Variants in AFF2 observed in about 807,000 individuals in gnomAD.
AFF2 encodes the protein ALF transcription elongation factor 2.
A neutral mutation model predicts 76.9 loss-of-function variants in AFF2; 14 were observed. The ratio of observed to expected loss-of-function variants is 0.18; its 90% confidence interval spans 0.12 to 0.28. The LOEUF is 0.28. Ranked by LOEUF, AFF2 falls within the 10% of genes least tolerant of loss-of-function variation. The pLI is 1.00. For missense variants in AFF2, 868 were observed against 1,001.1 expected (o/e 0.87, Z 1.79); for synonymous variants, 398 against 366.7 (o/e 1.09, Z -0.98).
intron 3 of AFF2, among the ~76,000 whole-genome samples, chrX:148,701,011 AATGTGTGTGTGTGTGTGTGTGTGT>A (rs2054787434): frequency 1.6e-5 from 1 of 61,160 alleles, no homozygotes; most frequent in Non-Finnish European, 3.2e-5. Context: ...AGAGAGAGAG[AATGTGTGTGTGTGTGTGTGTGTGT>A]GTGTGTGTGT....
chrX:148,870,915 C>T (rs1877738817), intron 7 of AFF2, among the ~76,000 whole-genome samples: 1 of 111,467 alleles, frequency 9.0e-6, no homozygotes, highest in South Asian at 3.8e-4. Flanking sequence ...TGGGTGTTTT[C>T]CTTTAGCCAG....
At chrX:148,508,685 A>G (rs1470974102) in intron 1 of AFF2, among the ~76,000 whole-genome samples, 1 of 112,254 alleles carries the variant, frequency 8.9e-6, no homozygotes, top group Non-Finnish European at 1.9e-5. Flanking sequence ...TTAATTTTCC[A>G]AAGGACTGAT....
intron 9 of AFF2, among the ~76,000 whole-genome samples, chrX:148,922,730 T>G (rs1353301742): frequency 3.6e-5 from 4 of 111,758 alleles, no homozygotes; most frequent in African/African-American, 1.3e-4. Flanking sequence ...TGGTCACTCA[T>G]ACATCCCTGA....
At chrX:148,968,576 A>C in intron 15 of AFF2, among the ~76,000 whole-genome samples, 1 of 112,230 alleles carries the variant, frequency 8.9e-6, no homozygotes, top group Non-Finnish European at 1.9e-5. Flanking sequence ...GTGTCCTGCT[A>C]GGACTTAGTT....
intron 19 of AFF2, among the ~76,000 whole-genome samples, chrX:148,984,437 C>T (rs1161595605): frequency 6.3e-5 from 7 of 111,970 alleles, no homozygotes; most frequent in Non-Finnish European, 1.1e-4. Context: ...GGAAACCCCA[C>T]GCAGTGATGA....
At chrX:148,895,518 T>C (rs1200919595) in intron 8 of AFF2, among the ~76,000 whole-genome samples, 1 of 110,545 alleles carries the variant, frequency 9.0e-6, no homozygotes. Context: ...TGCTACTATA[T>C]GACTGTATTT....
intron 1 of AFF2, among the ~76,000 whole-genome samples, chrX:148,624,139 C>T (rs918795499): frequency 3.6e-5 from 4 of 111,567 alleles, no homozygotes; most frequent in African/African-American, 1.3e-4. Flanking sequence ...TTTGAAGTGT[C>T]GAATAATGCA....
intron 1 of AFF2, among the ~76,000 whole-genome samples, chrX:148,571,069 T>C (rs2053223950): frequency 9.0e-6 from 1 of 111,221 alleles, no homozygotes; most frequent in Non-Finnish European, 1.9e-5. Flanking sequence ...TTGGAGGGGG[T>C]GGAAACAATT....
intron 4 of AFF2, among the ~76,000 whole-genome samples, chrX:148,817,809 T>G (rs1313862165): frequency 9.0e-6 from 1 of 111,637 alleles, no homozygotes; most frequent in Non-Finnish European, 1.9e-5. Flanking sequence ...GTAAAACTGG[T>G]TCAGTGTTAA....
intron 1 of AFF2, among the ~76,000 whole-genome samples, chrX:148,590,470 T>C (rs1287690300): frequency 7.2e-5 from 8 of 111,581 alleles, no homozygotes; most frequent in African/African-American, 2.6e-4. Flanking sequence ...CCTCCCTTTC[T>C]TCCTTTTTAA....
chrX:148,963,112 CTAG>C (rs1362433460), intron 13 of AFF2, among the ~76,000 whole-genome samples, 175 bp downstream of exon 13: 1 of 111,496 alleles, frequency 9.0e-6, no homozygotes, highest in African/African-American at 3.3e-5. Context: ...TGTATAGTGC[CTAG>C]TATATTGTCA....
At chrX:148,738,663 C>T (rs924666770) in intron 3 of AFF2, among the ~76,000 whole-genome samples, 11 of 110,568 alleles carry the variant, frequency 9.9e-5, no homozygotes, top group African/African-American at 6.6e-5. Flanking sequence ...TGCTGGGTTT[C>T]GGTTTGGTTT....
intron 1 of AFF2, among the ~76,000 whole-genome samples, chrX:148,530,379 A>G (rs2052715565): frequency 8.9e-6 from 1 of 112,031 alleles, no homozygotes; most frequent in Admixed American, 9.5e-5. Context: ...TAAAATTGTT[A>G]TCACATCATG....
At chrX:148,664,429 C>T (rs1489486899) in intron 3 of AFF2, among the ~76,000 whole-genome samples, 1 of 111,546 alleles carries the variant, frequency 9.0e-6, no homozygotes, top group Non-Finnish European at 1.9e-5. Context: ...TTTCCCCACC[C>T]TCCCTTGTCT....
chrX:148,907,662 T>C (rs2071422908), intron 9 of AFF2, among the ~76,000 whole-genome samples: 1 of 111,013 alleles, frequency 9.0e-6, no homozygotes, highest in Non-Finnish European at 1.9e-5. Context: ...CACAAGGTAA[T>C]AGAATATCAC....
At position 148,998,258 on chromosome X, in the gene AFF2, T is replaced by G. The variant is rs2072630565; in HGVS notation, c.*6926T>G. ...TGGTTGTATCTGTGGCTGTGATGGT[T>G]GTTGTTACTTGTCTCTCTCTCTCTC... On this transcript the variant is annotated 3_prime_UTR_variant, in exon 21 of 21. Coordinates refer to ENST00000370460, the MANE Select transcript of AFF2 (RefSeq NM_002025.4). 2 of 112,164 alleles carry G rather than the reference T, an allele frequency of 1.8e-5. No homozygotes were observed. Among genetic ancestry groups the G allele is most frequent in the South Asian group, 3.8e-4 (1 of 2,664 alleles). 9.2% of individuals were successfully genotyped at this position (112,164 alleles called of 1,213,427 possible). A position where few individuals can be genotyped will look rare whatever the true frequency, so the allele number is the denominator to read the frequency against.
At chrX:148,741,148 A>G (rs2055345773) in intron 3 of AFF2, among the ~76,000 whole-genome samples, 1 of 111,605 alleles carries the variant, frequency 9.0e-6, no homozygotes, top group Non-Finnish European at 1.9e-5. Context: ...GTGGTGCCTT[A>G]CAGAAAGCAT....
chrX:148,904,119 A>G (rs899132743), intron 8 of AFF2, 102 bp from the exon 9 acceptor site: 2 of 568,671 alleles, frequency 3.5e-6, no homozygotes, highest in East Asian at 3.5e-5. Context: ...TTAGCTCCTT[A>G]TGTTTCTGAA....
chrX:148,921,756 C>G (rs932366126), intron 9 of AFF2, among the ~76,000 whole-genome samples: 1 of 112,138 alleles, frequency 8.9e-6, no homozygotes, highest in Admixed American at 9.4e-5. Flanking sequence ...TAAAATGACT[C>G]TATTATGTGG....
Sources: gnomAD v4.1 joint callset for allele counts (sites outside exome capture counted in the v4.1 genomes callset) on GRCh38, gnomAD v4.1.1 for gene constraint, MANE v1.5 for transcripts, NCBI Gene and HGNC (gene_info 2026-07-23, HGNC 2026-07-21) for gene names.